Variants in GRIP1 observed in about 807,000 individuals in gnomAD.
The protein encoded by GRIP1 is glutamate receptor-interacting protein 1.
In GRIP1, 45 loss-of-function variants were observed where a neutral mutation model predicts 129.9. That is an observed-to-expected ratio of 0.35 (90% confidence interval 0.27 to 0.44). GRIP1 has a LOEUF of 0.44. Among genes scored for constraint, GRIP1 ranks in the 20% least tolerant of loss-of-function variants. GRIP1 has a pLI of 1.00. For synonymous variants in GRIP1, 530 were observed against 520.8 expected (o/e 1.02, Z -0.24); for missense variants, 1,196 against 1,396.8 (o/e 0.86, Z 2.29).
intron 1 of GRIP1, among the ~76,000 whole-genome samples, chr12:66,755,749 A>C (rs1376739422): frequency 6.6e-6 from 1 of 152,242 alleles, no homozygotes; most frequent in Non-Finnish European, 1.5e-5. Flanking sequence ...AGGCCAATGC[A>C]ACCTGGAAAT....
chr12:66,696,804 C>CAAAAAAAAAAAAAA (rs35445606), intron 1 of GRIP1, among the ~76,000 whole-genome samples: 2 of 103,714 alleles, frequency 1.9e-5, no homozygotes, highest in African/African-American at 8.1e-5. Flanking sequence ...GACTCTGTCT[C>CAAAAAAAAAAAAAA]AAAAAAAAAA....
chr12:66,663,006 A>G (rs1044811458), intron 1 of GRIP1, among the ~76,000 whole-genome samples: 7 of 152,192 alleles, frequency 4.6e-5, no homozygotes, highest in African/African-American at 1.4e-4. Flanking sequence ...ATCAGTTTGG[A>G]TAAGAATGCT....
intron 1 of GRIP1, among the ~76,000 whole-genome samples, chr12:66,965,452 G>A (rs1043255605): frequency 5.3e-5 from 8 of 151,672 alleles, no homozygotes; most frequent in African/African-American, 1.9e-4. Flanking sequence ...TAGATCTTCA[G>A]TCTACACTCC....
At chr12:66,755,957 C>G (rs903186163) in intron 1 of GRIP1, among the ~76,000 whole-genome samples, 25 of 152,286 alleles carry the variant, frequency 1.6e-4, no homozygotes, top group African/African-American at 5.8e-4. Context: ...TCTTGAGAAG[C>G]AGTAACCAGC....
rs147148713 is a variant in GRIP1 at position 66,687,900 on chromosome 12, G to A, written c.-419-57564C>T. On this transcript the variant is annotated intron_variant, in intron 1 of 4. Coordinates refer to the GRIP1 transcript ENST00000538373. ...AGGCAGTCACACAAGCCATGCTAAT[G>A]AGATGTAATCCCAGAACTTTTGTTA... 2.6e-5 allele frequency among the ~76,000 whole-genome samples: 4 copies of A among 152,310 alleles called. No individual in the cohort carries two copies. The East Asian group carries it at 5.8e-4, about 22-fold the overall frequency.
intron 1 of GRIP1, among the ~76,000 whole-genome samples, chr12:66,763,872 T>C (rs1441250742): frequency 6.6e-6 from 1 of 152,232 alleles, no homozygotes; most frequent in African/African-American, 2.4e-5. Context: ...TTTATATTTT[T>C]CTCTCAAAAT....
chr12:66,496,392 T>G (rs1421782986), intron 7 of GRIP1, among the ~76,000 whole-genome samples: 1 of 152,154 alleles, frequency 6.6e-6, no homozygotes, highest in South Asian at 2.1e-4. Flanking sequence ...TTTCAAAAGC[T>G]ATATAACTAG....
intron 1 of GRIP1, among the ~76,000 whole-genome samples, chr12:66,910,116 A>G (rs1234265497): frequency 6.6e-6 from 1 of 152,202 alleles, no homozygotes; most frequent in Admixed American, 6.5e-5. Context: ...ACACAGAAGC[A>G]CATGAAATAT....
intron 1 of GRIP1, among the ~76,000 whole-genome samples, chr12:66,972,579 A>G (rs188898023): frequency 3.3e-4 from 50 of 152,312 alleles, no homozygotes; most frequent in African/African-American, 1.1e-3. Flanking sequence ...ACCAGTGGCT[A>G]CAGTGGTGGA....
chr12:66,349,230 G>C lies in GRIP1; in HGVS notation c.3176C>G (p.Thr1059Ser), dbSNP rs771473441. The change falls in exon 25 of 25, where the codon ACC becomes AGC. Residue 1059 changes from threonine to serine, a missense_variant. By Grantham distance (58) the Thr-to-Ser change is moderately conservative. Transcript: ENST00000359742. ...AACAAGGCAGCAGTCAAAGTCTCTG[G>C]TTCGGACATGATTCACCTGAAAGGT... The part of the protein sequence containing the change: ...DRLLQVNHVR[T>S]RDFDCCLVVP... The C allele has an allele frequency of 1.4e-5, 22 of 1,613,500 alleles. No individual in the cohort carries two copies. The highest frequency in any genetic ancestry group is 1.8e-5 in the Non-Finnish European group (21 of 1,179,562).
intron 1 of GRIP1, among the ~76,000 whole-genome samples, chr12:66,909,641 A>G (rs1007816460): frequency 6.6e-6 from 1 of 152,220 alleles, no homozygotes; most frequent in African/African-American, 2.4e-5. Context: ...ATTGAGTTAC[A>G]TAAGTAATTA....
At chr12:67,002,042 C>T (rs1224831065) in intron 1 of GRIP1, among the ~76,000 whole-genome samples, 4 of 151,768 alleles carry the variant, frequency 2.6e-5, no homozygotes, top group Non-Finnish European at 4.4e-5. Flanking sequence ...AAAAAAAAAT[C>T]CCAAAGAAAA....
intron 2 of GRIP1, among the ~76,000 whole-genome samples, chr12:66,596,603 C>T (rs1031787640): frequency 8.5e-5 from 13 of 152,166 alleles, no homozygotes; most frequent in African/African-American, 3.1e-4. Flanking sequence ...AAATTCAAGT[C>T]ATTTTGCAAA....
At chr12:67,065,950 T>C (rs1198077016) in intron 1 of GRIP1, among the ~76,000 whole-genome samples, 2 of 152,202 alleles carry the variant, frequency 1.3e-5, no homozygotes, top group Admixed American at 1.3e-4. Context: ...CCAAAGTGTA[T>C]TAAGTGGCTT....
chr12:66,687,678 T>C (rs1192760165), intron 1 of GRIP1, among the ~76,000 whole-genome samples: 2 of 152,192 alleles, frequency 1.3e-5, no homozygotes, highest in African/African-American at 2.4e-5. Context: ...TCCACATGAA[T>C]TGCTCATGCT....
chr12:66,798,164 G>C (rs1269513853), intron 1 of GRIP1, among the ~76,000 whole-genome samples: 1 of 152,116 alleles, frequency 6.6e-6, no homozygotes, highest in Non-Finnish European at 1.5e-5. Flanking sequence ...TGGTGATCTT[G>C]TAGAAATCAA....
intron 1 of GRIP1, among the ~76,000 whole-genome samples, chr12:66,923,584 A>C (rs1235897578): frequency 6.6e-6 from 1 of 152,144 alleles, no homozygotes; most frequent in Admixed American, 6.5e-5. Flanking sequence ...AATAAAGTAG[A>C]AATCATCAGA....
intron 1 of GRIP1, among the ~76,000 whole-genome samples, chr12:67,015,816 G>A (rs965043383): frequency 1.1e-4 from 16 of 152,144 alleles, no homozygotes; most frequent in Admixed American, 2.0e-4. Context: ...GCTGAAAACT[G>A]AGCAGTTGGC....
At chr12:66,862,345 C>T (rs2040127224) in intron 1 of GRIP1, among the ~76,000 whole-genome samples, 1 of 152,060 alleles carries the variant, frequency 6.6e-6, no homozygotes. Context: ...AAAAAAGAAC[C>T]TGGGACTCCC....
Sources: allele counts gnomAD v4.1 joint callset (sites outside exome capture counted in the v4.1 genomes callset), GRCh38; gene constraint gnomAD v4.1.1; transcripts MANE v1.5; gene names NCBI Gene and HGNC (gene_info 2026-07-23, HGNC 2026-07-21).